SLC39A11: variants seen among roughly 807,000 people sequenced by gnomAD.
The protein encoded by SLC39A11 is solute carrier family 39 member 11, also known as zinc transporter ZIP11.
SLC39A11 carries 33 observed loss-of-function variants against 36.1 expected under a neutral mutation model. The observed-to-expected ratio is 0.91, with a 90% CI of 0.69 to 1.22. The LOEUF (loss-of-function observed/expected upper bound fraction) is 1.22. Among genes scored for constraint, SLC39A11 ranks in the 50% most tolerant of loss-of-function variants. The probability of loss-of-function intolerance (pLI) is 0.00; values close to 1 mark genes in which losing one functional copy is unlikely to be tolerated. For synonymous variants in SLC39A11, 166 were observed against 170.3 expected (o/e 0.97, Z 0.20); for missense variants, 432 against 430.3 (o/e 1.00, Z -0.03).
chr17:72,852,214 A>AAAAAAAAAC (rs2079378658), intron 5 of SLC39A11, among the ~76,000 whole-genome samples: 1 of 147,896 alleles, frequency 6.8e-6, no homozygotes, highest in Non-Finnish European at 1.5e-5. Context: ...CAAAAAAAAA[A>AAAAAAAAAC]AAAAAAAAAA....
intron 6 of SLC39A11, among the ~76,000 whole-genome samples, chr17:72,834,997 T>G (rs950695051): frequency 1.3e-5 from 2 of 152,248 alleles, no homozygotes; most frequent in African/African-American, 4.8e-5. Flanking sequence ...CCACTTTTAT[T>G]TGGGATCACG....
At chr17:72,893,797 C>T (rs2081886249) in intron 5 of SLC39A11, among the ~76,000 whole-genome samples, 1 of 152,068 alleles carries the variant, frequency 6.6e-6, no homozygotes, top group Admixed American at 6.5e-5. Context: ...CTAAAGACAC[C>T]AAGGAGGCTG....
At chr17:72,872,326 C>A (rs532086591) in intron 5 of SLC39A11, among the ~76,000 whole-genome samples, 12 of 152,260 alleles carry the variant, frequency 7.9e-5, no homozygotes, top group African/African-American at 2.6e-4. Flanking sequence ...CACTCTGATC[C>A]CCAGGGGCGT....
intron 6 of SLC39A11, among the ~76,000 whole-genome samples, chr17:72,792,672 G>A (rs1402250814): frequency 6.6e-6 from 1 of 152,164 alleles, no homozygotes; most frequent in South Asian, 2.1e-4. Flanking sequence ...GCACACCTCT[G>A]TAAGAACTGC....
intron 7 of SLC39A11, among the ~76,000 whole-genome samples, chr17:72,718,561 G>A (rs567395518): frequency 1.1e-3 from 172 of 152,326 alleles, no homozygotes; most frequent in African/African-American, 3.7e-3. Context: ...TTGGGGGAGA[G>A]TTTTGAAGAC....
At position 72,811,900 on chromosome 17, in the gene SLC39A11, T is replaced by C. The variant is rs1185468495; in HGVS notation, c.601+37734A>G. ...GTGCAATGAATATAACACATGCTAT[T>C]AGATGAGAATGTAACTTTGCCATAA... On this transcript the variant is annotated intron_variant, in intron 6 of 9. Transcript: ENST00000255559. 2.0e-5 allele frequency among the ~76,000 whole-genome samples: 3 copies of C among 152,178 alleles called. No individual in the cohort carries two copies. The East Asian group carries it at 5.8e-4, about 29-fold the overall frequency.
chr17:72,677,666 C>T (rs565515857), intron 7 of SLC39A11, among the ~76,000 whole-genome samples: 1 of 152,262 alleles, frequency 6.6e-6, no homozygotes, highest in Non-Finnish European at 1.5e-5. Flanking sequence ...TTTGTTAAAG[C>T]ACAGACCGTG....
In SLC39A11 at chr17:72,778,416, G is replaced by A. The variant is rs575416084; in HGVS notation, c.602-41697C>T. On this transcript the variant is annotated intron_variant, in intron 6 of 9. Transcript: ENST00000255559. ...TCAGGGGAGCCAGCTAGTCTAATTC[G>A]TGTGGCTTTTTCCTACAGTGAAGGG... Among the ~76,000 whole-genome samples, 12 of 152,338 alleles carry A rather than the reference G, an allele frequency of 7.9e-5. No individual in the cohort carries two copies. In the East Asian group the frequency reaches 1.7e-3, roughly 22 times the overall value.
rs2080271348 is a variant in SLC39A11 at position 72,865,784 on chromosome 17, C to A, written c.431-15980G>T. Among the ~76,000 whole-genome samples the A allele has an allele frequency of 1.3e-5, 2 of 151,650 alleles. 1 individual carries two copies. The highest frequency in any genetic ancestry group is 1.3e-4 in the Admixed American group (2 of 15,204). ...TTAAAACAATATAAAACAGCCTAAC[C>A]TTATTCAAGACCTAAAAGAAGAAAT... On this transcript the variant is annotated intron_variant, in intron 5 of 9. Transcript: ENST00000255559.
chr17:72,759,005 G>A (rs1460837766), intron 6 of SLC39A11, among the ~76,000 whole-genome samples: 1 of 152,114 alleles, frequency 6.6e-6, no homozygotes, highest in East Asian at 1.9e-4. Context: ...GGAGGCTGAG[G>A]CAGGAGAATC....
chr17:72,855,138 T>C (rs148041338), intron 5 of SLC39A11, among the ~76,000 whole-genome samples: 6 of 152,282 alleles, frequency 3.9e-5, no homozygotes, highest in Non-Finnish European at 2.9e-5. Context: ...AAAGTTACAA[T>C]CCAGCAAAAA....
intron 5 of SLC39A11, among the ~76,000 whole-genome samples, chr17:72,919,639 T>A (rs112155015): frequency 0.031 from 4,131 of 132,974 alleles, 199 homozygotes; most frequent in African/African-American, 0.11. Flanking sequence ...GCCACCGCAC[T>A]CCAGACTGGG....
rs78910592 is a variant in SLC39A11 at position 72,951,624 on chromosome 17, T to C, written c.307-3749A>G. Reference sequence around the variant, plus strand: ...AAATAAGAGTGTCAGGTAGTGATAATGCCAAAAGAAAAATAAGCCATATCT... The same window carrying C: ...AAATAAGAGTGTCAGGTAGTGATAACGCCAAAAGAAAAATAAGCCATATCT... On this transcript the variant is annotated intron_variant, in intron 4 of 9. Coordinates refer to ENST00000255559, the MANE Select transcript of SLC39A11 (RefSeq NM_139177.4). 4.9e-3 allele frequency among the ~76,000 whole-genome samples: 739 copies of C among 152,224 alleles called. 29 individuals are homozygous for C. The East Asian group carries it at 0.087, about 18-fold the overall frequency.
At chr17:72,785,705 A>G (rs774732085) in intron 6 of SLC39A11, among the ~76,000 whole-genome samples, 1 of 152,184 alleles carries the variant, frequency 6.6e-6, no homozygotes, top group Non-Finnish European at 1.5e-5. Context: ...GAAAAGAGCT[A>G]AGGAGAAACA....
At chr17:72,692,244 C>A (rs565518411) in intron 7 of SLC39A11, among the ~76,000 whole-genome samples, 1 of 152,176 alleles carries the variant, frequency 6.6e-6, no homozygotes, top group Non-Finnish European at 1.5e-5. Context: ...ATCTCCTGAC[C>A]TTGCGAACCA....
At chr17:72,812,855 C>A (rs1422204359) in intron 6 of SLC39A11, among the ~76,000 whole-genome samples, 1 of 152,150 alleles carries the variant, frequency 6.6e-6, no homozygotes, top group Admixed American at 6.5e-5. Flanking sequence ...AGCTCAGCAT[C>A]CTTACTGCTT....
chr17:72,780,496 G>A (rs926261529), intron 6 of SLC39A11, among the ~76,000 whole-genome samples: 1 of 138,278 alleles, frequency 7.2e-6, no homozygotes, highest in African/African-American at 2.6e-5. Flanking sequence ...TACGTGCACC[G>A]CACAGTGCTA....
intron 6 of SLC39A11, among the ~76,000 whole-genome samples, chr17:72,755,103 C>T (rs1158383308): frequency 1.3e-5 from 2 of 152,146 alleles, no homozygotes; most frequent in Admixed American, 6.5e-5. Flanking sequence ...ATGTCAAGCT[C>T]AGTGTGGCCC....
chr17:72,909,724 G>GTGTT (rs2082862191), intron 5 of SLC39A11, among the ~76,000 whole-genome samples: 1 of 149,324 alleles, frequency 6.7e-6, no homozygotes, highest in African/African-American at 2.5e-5. Flanking sequence ...TTGCTCAACT[G>GTGTT]TCTTTCTTTC....
Sources: allele counts gnomAD v4.1 joint callset (sites outside exome capture counted in the v4.1 genomes callset), GRCh38; gene constraint gnomAD v4.1.1; transcripts MANE v1.5; gene names NCBI Gene and HGNC (gene_info 2026-07-23, HGNC 2026-07-21).